Variants in PGAP1 observed in about 807,000 individuals in gnomAD.
PGAP1 encodes the protein post-GPI attachment to proteins inositol deacylase 1.
Under a neutral mutation model 127.0 loss-of-function variants are expected in PGAP1, and 76 were observed. The ratio of observed to expected loss-of-function variants is 0.60; its 90% CI spans 0.50 to 0.72. The LOEUF (loss-of-function observed/expected upper bound fraction) is 0.72. Ranked by LOEUF, PGAP1 falls within the 30% of genes least tolerant of loss-of-function variation. The pLI, the probability that PGAP1 is intolerant of heterozygous loss-of-function variation, is 0.00. For missense variants in PGAP1, 982 were observed against 1,071.3 expected (o/e 0.92, Z 1.16); for synonymous variants, 362 against 366.5 (o/e 0.99, Z 0.14).
At chr2:196,878,194 A>T (rs890711089) in intron 13 of PGAP1, among the ~76,000 whole-genome samples, 4 of 152,150 alleles carry the variant, frequency 2.6e-5, no homozygotes, top group Non-Finnish European at 5.9e-5. Flanking sequence ...TGGAACTAGA[A>T]GTGTTTGATT....
intron 20 of PGAP1, among the ~76,000 whole-genome samples, chr2:196,851,065 A>T (rs1487677781): frequency 6.6e-6 from 1 of 152,172 alleles, no homozygotes; most frequent in African/African-American, 2.4e-5. Context: ...GGGGAGAAAA[A>T]GAGATGGAGA....
At chr2:196,862,237 C>T (rs910710790) in intron 20 of PGAP1, among the ~76,000 whole-genome samples, 18 of 151,906 alleles carry the variant, frequency 1.2e-4, no homozygotes, top group African/African-American at 3.6e-4. Context: ...TGGGTGTGGC[C>T]GTCTTTTATG....
At chr2:196,920,449 T>A (rs564954705) in intron 1 of PGAP1, among the ~76,000 whole-genome samples, 1 of 152,240 alleles carries the variant, frequency 6.6e-6, no homozygotes, top group East Asian at 1.9e-4. Context: ...CAGAAAGCAC[T>A]GGTATATGTC....
At chr2:196,875,609 C>T in intron 14 of PGAP1, 137 bp downstream of exon 14, 7 of 607,908 alleles carry the variant, frequency 1.2e-5, no homozygotes. Context: ...GAGAATAAAA[C>T]CACTGAACCA....
At chr2:196,898,966 C>T (rs1424056595) in intron 5 of PGAP1, among the ~76,000 whole-genome samples, 1 of 150,976 alleles carries the variant, frequency 6.6e-6, no homozygotes, top group Non-Finnish European at 1.5e-5. Context: ...ATGTATACAA[C>T]TAGTAAAATA....
Position 196,893,202 on chromosome 2 carries a change from T to G in PGAP1, c.971A>C (p.His324Pro). The G allele has an allele frequency of 6.2e-7, 1 of 1,601,002 alleles. No individual in the cohort carries two copies. The highest frequency in any genetic ancestry group is 8.5e-7 in the Non-Finnish European group (1 of 1,171,660). The part of the protein sequence containing the change: ...SKKKLSVLYH[H>P]FIRHPSKHFE... ...ATGTTTTGATGGGTGTCTTATAAAG[T>G]GGTGATACAAAACTGACAGTTTCTT... The change falls in exon 8 of 27, where the codon CAC becomes CCC. Residue 324 changes from histidine (H) to proline (P), a missense_variant. By Grantham distance (77) the His-to-Pro change is moderately conservative (BLOSUM62 -2). Coordinates refer to ENST00000354764, the MANE Select transcript of PGAP1 (RefSeq NM_024989.4).
At chr2:196,846,910 T>C (rs1700570665) in intron 22 of PGAP1, 93 bp downstream of exon 22, 2 of 1,061,338 alleles carry the variant, frequency 1.9e-6, no homozygotes, top group Non-Finnish European at 2.7e-6. Flanking sequence ...CCTTAGAAAA[T>C]AGTTTAGTAA....
At chr2:196,920,761 T>C (rs965179611) in intron 1 of PGAP1, among the ~76,000 whole-genome samples, 3 of 152,122 alleles carry the variant, frequency 2.0e-5, no homozygotes, top group Non-Finnish European at 4.4e-5. Flanking sequence ...ACCATAAACA[T>C]TCCAGTGAAT....
rs907459331 is a variant in PGAP1 at position 196,839,523 on chromosome 2, C to T, written c.*1711G>A. The stretch of plus-strand genomic sequence containing the variant: ...GCACCTGTCTGCCATATCCCCACCA[C>T]GAGTTTATCATTTCCCTTTAATGTT... On this transcript the variant is annotated 3_prime_UTR_variant, in exon 27 of 27. Coordinates refer to ENST00000354764, the MANE Select transcript of PGAP1 (RefSeq NM_024989.4). 1 of 152,152 alleles carries T rather than the reference C, an allele frequency of 6.6e-6. No individual in the cohort carries two copies. The highest frequency in any genetic ancestry group is 1.9e-4 in the East Asian group (1 of 5,196). The allele number at this position is 152,152 out of a possible 1,614,324, so 9.4% of individuals were successfully genotyped here. A position where few individuals can be genotyped will look rare whatever the true frequency, so the allele number is the denominator to read the frequency against.
chr2:196,911,935 T>C (rs151036381), intron 4 of PGAP1, among the ~76,000 whole-genome samples: 1,547 of 152,322 alleles, frequency 0.01, 22 homozygotes, highest in African/African-American at 0.035. Flanking sequence ...TAAGAGGCAG[T>C]ACAGCATGCA....
chr2:196,899,109 A>T (rs1294292663), intron 5 of PGAP1, among the ~76,000 whole-genome samples: 1 of 152,330 alleles, frequency 6.6e-6, no homozygotes, highest in African/African-American at 2.4e-5. Flanking sequence ...CATCTCACAC[A>T]GAATAGGGGC....
Position 196,834,943 on chromosome 2 carries a change from T to C in PGAP1, c.*6291A>G, listed in dbSNP as rs1195112495. The C allele has an allele frequency of 6.6e-6, 1 of 152,002 alleles. No individual in the cohort carries two copies. The highest frequency in any genetic ancestry group is 2.4e-5 in the African/African-American group (1 of 41,458). 9.4% of individuals were successfully genotyped at this position (152,002 alleles called of 1,614,324 possible). ...TAAATCAAGGCCAGAGATTTCGATA[T>C]TTGGCTTTCTGTCCTGCCTCCTTAC... On this transcript the variant is annotated 3_prime_UTR_variant, in exon 27 of 27. Coordinates refer to ENST00000354764, the MANE Select transcript of PGAP1 (RefSeq NM_024989.4).
At chr2:196,875,889 T>C (rs1309440652) in intron 13 of PGAP1, 68 bp from the exon 14 acceptor site, 3 of 780,316 alleles carry the variant, frequency 3.8e-6, no homozygotes, top group Non-Finnish European at 6.4e-6. Context: ...CTTTACTTGA[T>C]GTTTGAGTGG....
At chr2:196,916,684 C>T (rs1703020587) in intron 2 of PGAP1, 91 bp from the exon 3 acceptor site, 1 of 1,259,516 alleles carries the variant, frequency 7.9e-7, no homozygotes, top group Admixed American at 3.3e-5. Context: ...TAACCTTATC[C>T]TGCATCACGA....
intron 4 of PGAP1, among the ~76,000 whole-genome samples, chr2:196,903,353 G>C (rs1308249867): frequency 6.6e-6 from 1 of 151,764 alleles, no homozygotes; most frequent in Non-Finnish European, 1.5e-5. Flanking sequence ...ACGAGGTCAG[G>C]AGTTTGAGAC....
At chr2:196,842,095 C>T (rs1276533511) in intron 26 of PGAP1, among the ~76,000 whole-genome samples, 22 of 147,296 alleles carry the variant, frequency 1.5e-4, no homozygotes, top group Non-Finnish European at 1.5e-5. Context: ...ATTCCCAAAA[C>T]AAGGAGTATA....
chr2:196,851,146 G>GT (rs112660284), intron 20 of PGAP1, among the ~76,000 whole-genome samples: 2 of 151,090 alleles, frequency 1.3e-5, no homozygotes, highest in Non-Finnish European at 2.9e-5. Context: ...TGGAGTCACT[G>GT]TTTTTTTGTT....
At chr2:196,886,908 G>A (rs896775829) in intron 10 of PGAP1, among the ~76,000 whole-genome samples, 3 of 151,920 alleles carry the variant, frequency 2.0e-5, no homozygotes, top group Admixed American at 2.0e-4. Context: ...ATGTTGGCCA[G>A]GATGGTCTCC....
rs1460340419 is a variant in PGAP1 at position 196,840,254 on chromosome 2, T to TA, written c.*979dup. The TA allele has an allele frequency of 6.6e-6, 1 of 152,156 alleles. No individual in the cohort carries two copies. The highest frequency in any genetic ancestry group is 1.5e-5 in the Non-Finnish European group (1 of 68,018). The allele number at this position is 152,156 out of a possible 1,614,324, so 9.4% of individuals were successfully genotyped here. ...GTCTACTGATATTCCATTAATAGTA[T>TA]AATATTATACATCAAATGTGATGTT... On this transcript the variant is annotated 3_prime_UTR_variant, in exon 27 of 27. Coordinates refer to ENST00000354764, the MANE Select transcript of PGAP1 (RefSeq NM_024989.4).
Sources: gnomAD v4.1 joint callset for allele counts (sites outside exome capture counted in the v4.1 genomes callset) on GRCh38, gnomAD v4.1.1 for gene constraint, MANE v1.5 for transcripts, NCBI Gene and HGNC (gene_info 2026-07-23, HGNC 2026-07-21) for gene names.